Variants in SBF2 observed in about 807,000 individuals in gnomAD.
The protein encoded by SBF2 is SET binding factor 2.
Under a neutral mutation model 225.2 loss-of-function variants are expected in SBF2, and 112 were observed. The ratio of observed to expected loss-of-function variants is 0.50; its 90% CI spans 0.43 to 0.58. SBF2 has a LOEUF of 0.58. SBF2 is among the 20% of genes least tolerant of loss of function. The probability of loss-of-function intolerance (pLI) is 0.00; values close to 1 mark genes in which losing one functional copy is unlikely to be tolerated. For missense variants in SBF2, 1,996 were observed against 2,206.2 expected, an observed-to-expected ratio of 0.90 and a Z score of 1.91; for synonymous variants, 763 against 773.3, an observed-to-expected ratio of 0.99 and a Z score of 0.22.
chr11:9,986,686 T>A (rs1947209134), intron 13 of SBF2, among the ~76,000 whole-genome samples: 1 of 152,092 alleles, frequency 6.6e-6, no homozygotes, highest in Non-Finnish European at 1.5e-5. Flanking sequence ...AAGAGATTGA[T>A]ACATTCCTGG....
chr11:9,822,854 A>G (rs552818486), intron 28 of SBF2, among the ~76,000 whole-genome samples: 1 of 133,500 alleles, frequency 7.5e-6, no homozygotes, highest in Non-Finnish European at 1.8e-5. Flanking sequence ...CAGTAAATAT[A>G]TCTGCACTGA....
intron 13 of SBF2, among the ~76,000 whole-genome samples, chr11:9,981,510 T>TC (rs1565091494): frequency 6.6e-6 from 1 of 152,240 alleles, no homozygotes; most frequent in Non-Finnish European, 1.5e-5. Flanking sequence ...GTTTACTTGA[T>TC]TTATAATTTC....
intron 16 of SBF2, among the ~76,000 whole-genome samples, chr11:9,908,687 T>TTGTTGTTGC (rs71034745): frequency 2.0e-5 from 3 of 151,580 alleles, no homozygotes; most frequent in Non-Finnish European, 4.4e-5. Context: ...GTTCATAATC[T>TTGTTGTTGC]TGTTGTTGCT....
At chr11:9,915,298 T>C (rs963139103) in intron 16 of SBF2, among the ~76,000 whole-genome samples, 5 of 151,842 alleles carry the variant, frequency 3.3e-5, no homozygotes, top group African/African-American at 9.7e-5. Flanking sequence ...AATACAAAAA[T>C]TAGCTGGGCG....
intron 6 of SBF2, among the ~76,000 whole-genome samples, chr11:10,009,915 C>T (rs1948370772): frequency 6.6e-6 from 1 of 152,188 alleles, no homozygotes; most frequent in Admixed American, 6.5e-5. Context: ...TCTCCAGCAT[C>T]TGTTGTTTCC....
chr11:10,143,363 G>A (rs149408288), intron 2 of SBF2, among the ~76,000 whole-genome samples: 190 of 152,046 alleles, frequency 1.2e-3, no homozygotes, highest in Admixed American at 2.9e-3. Flanking sequence ...GTAGAAACGG[G>A]GTTTCACCAT....
rs185549589 is a variant in SBF2 at position 10,220,076 on chromosome 11, G to A, written c.56-26089C>T. On this transcript the variant is annotated intron_variant, in intron 1 of 39. Transcript: ENST00000256190. The stretch of plus-strand genomic sequence containing the variant: ...TGCTAATAAAGACACACCAGAGACT[G>A]CGTAATTTAAAAAGGAAAGAAGTTT... Among the ~76,000 whole-genome samples the A allele has an allele frequency of 1.3e-3, 196 of 152,294 alleles. 3 individuals are homozygous for A. The highest frequency in any genetic ancestry group is 1.8e-4 in the Non-Finnish European group (12 of 68,030).
intron 1 of SBF2, among the ~76,000 whole-genome samples, chr11:10,252,012 A>C (rs759848017): frequency 1.2e-4 from 18 of 152,232 alleles, no homozygotes; most frequent in Non-Finnish European, 2.2e-4. Flanking sequence ...AACCAAACTA[A>C]AATGGAGTCA....
At position 9,962,121 on chromosome 11, in the gene SBF2, G is replaced by C. The variant is rs566685740; in HGVS notation, c.1711-15C>G. 4 of 1,613,266 alleles carry C rather than the reference G, an allele frequency of 2.5e-6. No homozygotes were observed. In the African/African-American group the frequency reaches 4.0e-5, roughly 16 times the overall value. ...GCAGGAAGGGTCTGAGGACAAGAGAGGTACAAATGACCAAATGGTACCACT... is the reference window on the plus strand; with the variant it reads ...GCAGGAAGGGTCTGAGGACAAGAGACGTACAAATGACCAAATGGTACCACT... On this transcript the variant is annotated splice_polypyrimidine_tract_variant and intron_variant, in intron 15 of 39. Coordinates refer to ENST00000256190, the MANE Select transcript of SBF2 (RefSeq NM_030962.4).
chr11:10,118,126 C>T (rs927753846), intron 2 of SBF2, among the ~76,000 whole-genome samples: 1 of 152,180 alleles, frequency 6.6e-6, no homozygotes, highest in Non-Finnish European at 1.5e-5. Flanking sequence ...CCTTTCACCT[C>T]ACCCACAATC....
At chr11:9,974,056 G>C (rs1490853936) in intron 13 of SBF2, among the ~76,000 whole-genome samples, 1 of 152,108 alleles carries the variant, frequency 6.6e-6, no homozygotes, top group African/African-American at 2.4e-5. Context: ...TTGTCAAAAC[G>C]TAACTGGACT....
intron 2 of SBF2, among the ~76,000 whole-genome samples, chr11:10,088,900 G>C (rs1309099775): frequency 1.3e-5 from 2 of 152,112 alleles, no homozygotes; most frequent in African/African-American, 4.8e-5. Flanking sequence ...TGTATTTTTG[G>C]ATCCTAAAAC....
chr11:9,809,127 CATA>C (rs554171396), intron 30 of SBF2, 125 bp from the exon 31 acceptor site: 469 of 689,066 alleles, frequency 6.8e-4, no homozygotes, highest in Non-Finnish European at 1.1e-3. Flanking sequence ...AAAAGAACCA[CATA>C]ATGTTTTAAA....
Position 10,093,704 on chromosome 11 carries a change from T to C in SBF2, c.142-50723A>G, listed in dbSNP as rs1018506328. Among the ~76,000 whole-genome samples the C allele has an allele frequency of 7.9e-5, 12 of 152,208 alleles. No homozygotes were observed. The East Asian group carries it at 1.9e-3, about 24-fold the overall frequency. ...TAAACTGTGATTGTTTCAAAAATAA[T>C]AACTTTTAAAGTACATTCTCTTTTG... is the stretch of plus-strand genomic sequence containing the variant. On this transcript the variant is annotated intron_variant, in intron 2 of 39. Transcript: ENST00000256190.
intron 2 of SBF2, among the ~76,000 whole-genome samples, chr11:10,054,346 A>T (rs748943420): frequency 6.6e-6 from 1 of 152,236 alleles, no homozygotes; most frequent in Non-Finnish European, 1.5e-5. Context: ...ACACAAATCA[A>T]AAGTTTTCTT....
chr11:10,115,943 G>A (rs1314331153), intron 2 of SBF2, among the ~76,000 whole-genome samples: 1 of 152,126 alleles, frequency 6.6e-6, no homozygotes, highest in African/African-American at 2.4e-5. Flanking sequence ...GAGGCAGGCA[G>A]ATCACGAGGT....
intron 32 of SBF2, among the ~76,000 whole-genome samples, chr11:9,805,624 T>C (rs1853772364): frequency 6.9e-6 from 1 of 144,568 alleles, no homozygotes; most frequent in Admixed American, 6.9e-5. Flanking sequence ...ATATTCTAGA[T>C]TTTTTTTTTT....
intron 1 of SBF2, among the ~76,000 whole-genome samples, chr11:10,265,338 T>C (rs1961870646): frequency 6.6e-6 from 1 of 152,148 alleles, no homozygotes; most frequent in African/African-American, 2.4e-5. Context: ...TGACCAGTGA[T>C]GATGAGCATT....
At chr11:10,285,849 G>A (rs929325895) in intron 1 of SBF2, among the ~76,000 whole-genome samples, 26 of 151,998 alleles carry the variant, frequency 1.7e-4, no homozygotes, top group African/African-American at 5.8e-4. Flanking sequence ...ATAACAGTAA[G>A]AAGTCAAACA....
Sources: gnomAD v4.1 joint callset for allele counts (sites outside exome capture counted in the v4.1 genomes callset) on GRCh38, gnomAD v4.1.1 for gene constraint, MANE v1.5 for transcripts, NCBI Gene and HGNC (gene_info 2026-07-23, HGNC 2026-07-21) for gene names.